The following MAGI3 variants were observed in gnomAD, a reference collection of about 807,000 sequenced individuals.
The protein encoded by MAGI3 is membrane-associated guanylate kinase, WW and PDZ domain-containing protein 3.
Under a neutral mutation model 121.8 loss-of-function variants are expected in MAGI3, and 43 were observed. That is an observed-to-expected ratio of 0.35 (90% confidence interval 0.28 to 0.46). The LOEUF is 0.46. Among genes scored for constraint, MAGI3 ranks in the 20% least tolerant of loss-of-function variants. The pLI is 1.00. For missense variants in MAGI3, 1,547 were observed against 1,797.3 expected, an observed-to-expected ratio of 0.86 and a Z score of 2.52; for synonymous variants, 553 against 639.3, an observed-to-expected ratio of 0.86 and a Z score of 2.04.
At chr1:113,534,210 T>C (rs184848605) in intron 1 of MAGI3, among the ~76,000 whole-genome samples, 133 of 152,342 alleles carry the variant, frequency 8.7e-4, no homozygotes, top group African/African-American at 3.2e-3. Flanking sequence ...GTGCTGCTGT[T>C]AGTGCCCTCC....
intron 9 of MAGI3, among the ~76,000 whole-genome samples, chr1:113,623,522 C>G (rs1651006766): frequency 7.4e-6 from 1 of 135,090 alleles, no homozygotes; most frequent in Non-Finnish European, 1.6e-5. Context: ...GAGTCTTGCT[C>G]TGTCGCCCAG....
At chr1:113,567,890 G>A (rs866067662) in intron 2 of MAGI3, among the ~76,000 whole-genome samples, 1 of 151,868 alleles carries the variant, frequency 6.6e-6, no homozygotes, top group Admixed American at 6.6e-5. Flanking sequence ...GAAATAAAAG[G>A]CATTCAACTT....
At chr1:113,632,380 A>G (rs1651688051) in intron 9 of MAGI3, among the ~76,000 whole-genome samples, 1 of 152,224 alleles carries the variant, frequency 6.6e-6, no homozygotes. Context: ...GCATGGCAAT[A>G]CAATATTTCC....
rs1006067794 is a variant in MAGI3 at position 113,683,856 on chromosome 1, A to C, written c.4288A>C (p.Lys1430Gln). The stretch of plus-strand genomic sequence containing the variant: ...AAACAAAACAGAAGATCACAAAGGG[A>C]AAGAACTAGAGGCAGCTGACAAAAA... ...VSNKTEDHKG[K>Q]ELEAADKNKE... is the part of the protein sequence containing the mutation. Residue 1430 changes from lysine to glutamine, a missense_variant, in exon 21 of 21, where the codon AAA (lysine) becomes CAA (glutamine). Coordinates refer to ENST00000307546, the MANE Select transcript of MAGI3 (RefSeq NM_001142782.2). 1 of 1,612,580 alleles carries C rather than the reference A, an allele frequency of 6.2e-7. No homozygotes were observed. The highest frequency in any genetic ancestry group is 1.3e-5 in the African/African-American group (1 of 74,890).
At chr1:113,507,750 A>C (rs1657414043) in intron 1 of MAGI3, among the ~76,000 whole-genome samples, 1 of 152,210 alleles carries the variant, frequency 6.6e-6, no homozygotes, top group Non-Finnish European at 1.5e-5. Flanking sequence ...TTACTGAATG[A>C]CTGAATGGAG....
intron 1 of MAGI3, among the ~76,000 whole-genome samples, chr1:113,495,925 A>G (rs912833984): frequency 1.4e-5 from 2 of 146,432 alleles, no homozygotes; most frequent in African/African-American, 4.9e-5. Flanking sequence ...ACATCATTAG[A>G]CCTGCTATGA....
chr1:113,634,790 G>A (rs1157471702), intron 9 of MAGI3, among the ~76,000 whole-genome samples: 1 of 152,114 alleles, frequency 6.6e-6, no homozygotes, highest in Non-Finnish European at 1.5e-5. Context: ...GTAGCTTGAT[G>A]GGGATGGCAT....
chr1:113,603,928 A>G (rs1649571673), intron 6 of MAGI3, among the ~76,000 whole-genome samples: 1 of 152,232 alleles, frequency 6.6e-6, no homozygotes, highest in Admixed American at 6.5e-5. Flanking sequence ...TGCGTAAATT[A>G]AAACCACAAT....
chr1:113,683,664 C>G lies in MAGI3; in HGVS notation c.4096C>G (p.Leu1366Val). Residue 1366 changes from leucine (L) to valine (V), a missense_variant, in exon 21 of 21, where the codon CTT becomes GTT. By Grantham distance (32) the Leu-to-Val change is conservative. Coordinates refer to ENST00000307546, the MANE Select transcript of MAGI3 (RefSeq NM_001142782.2). ...AATCAAAAGAATGGTTGAGAAATCT[C>G]TTCCATCCAAAATGACTAATAAGAC... ...KKIKRMVEKSLPSKMTNKTTS... is the reference protein window; with the variant it reads ...KKIKRMVEKSVPSKMTNKTTS... 6.2e-7 allele frequency: 1 copy of G among 1,609,070 alleles called. No individual in the cohort carries two copies. Among genetic ancestry groups the G allele is most frequent in the Non-Finnish European group, 8.5e-7 (1 of 1,177,594 alleles).
chr1:113,641,922 G>A lies in MAGI3; in HGVS notation c.1372G>A (p.Val458Ile), dbSNP rs1652559697. 3 of 1,578,938 alleles carry A rather than the reference G, an allele frequency of 1.9e-6. No individual in the cohort carries two copies. The highest frequency in any genetic ancestry group is 2.6e-6 in the Non-Finnish European group (3 of 1,153,946). ...DGKIAPGDVI[V>I]DINGNCVLGH... is the part of the protein sequence containing the mutation. ...TTATGTTTTTCCAGGCGATGTTATT[G>A]TAGACATCAATGGCAACTGTGTCCT... is the stretch of plus-strand genomic sequence containing the variant. Residue 458 changes from valine to isoleucine, a missense_variant, in exon 10 of 21, where the codon GTA becomes ATA. By Grantham distance (29) the Val-to-Ile change is conservative. Coordinates refer to ENST00000307546, the MANE Select transcript of MAGI3 (RefSeq NM_001142782.2).
chr1:113,432,650 A>C (rs1014063709), intron 1 of MAGI3, among the ~76,000 whole-genome samples: 13 of 151,888 alleles, frequency 8.6e-5, no homozygotes, highest in African/African-American at 3.1e-4. Flanking sequence ...TCTTTTTTTA[A>C]AGGAAGGATT....
intron 8 of MAGI3, among the ~76,000 whole-genome samples, chr1:113,622,553 C>T (rs1474078998): frequency 6.6e-6 from 1 of 152,052 alleles, no homozygotes; most frequent in East Asian, 1.9e-4. Flanking sequence ...TAGTACTTTG[C>T]ACATAAAACT....
chr1:113,560,142 C>A (rs1660162882), intron 2 of MAGI3, among the ~76,000 whole-genome samples: 2 of 152,142 alleles, frequency 1.3e-5, no homozygotes, highest in African/African-American at 4.8e-5. Flanking sequence ...CACTCCTCAG[C>A]AAATGCAAAA....
chr1:113,571,587 C>T (rs1326747261), intron 2 of MAGI3, among the ~76,000 whole-genome samples: 1 of 152,136 alleles, frequency 6.6e-6, no homozygotes, highest in Non-Finnish European at 1.5e-5. Context: ...GTTTGTAGTT[C>T]TCCTTGAAGA....
intron 1 of MAGI3, among the ~76,000 whole-genome samples, chr1:113,478,188 T>G (rs563969145): frequency 6.6e-6 from 1 of 152,264 alleles, no homozygotes; most frequent in African/African-American, 2.4e-5. Flanking sequence ...TCCTTTAGCT[T>G]GGAGAAGTTT....
intron 1 of MAGI3, among the ~76,000 whole-genome samples, chr1:113,436,919 A>G (rs1653595492): frequency 1.3e-5 from 2 of 151,284 alleles, no homozygotes; most frequent in African/African-American, 2.4e-5. Flanking sequence ...GGTTCAGGCA[A>G]TTCTCCTGCC....
chr1:113,619,712 T>C, intron 7 of MAGI3, 24 bp from the exon 8 acceptor site: 3 of 1,450,088 alleles, frequency 2.1e-6, no homozygotes, highest in Non-Finnish European at 2.9e-6. Flanking sequence ...TAAACTGAAA[T>C]GTATATTTTT....
intron 1 of MAGI3, among the ~76,000 whole-genome samples, chr1:113,497,243 C>T (rs1656969537): frequency 6.9e-6 from 1 of 144,250 alleles, no homozygotes. Context: ...CTCCGGTCTA[C>T]AGCTCCCAGC....
At position 113,407,698 on chromosome 1, in the gene MAGI3, C is replaced by T. The variant is rs1033939737; in HGVS notation, c.316+16349C>T. The stretch of plus-strand genomic sequence containing the variant: ...CCTTGGAGAAAAATATGCTCAAGGT[C>T]GTATAGCTAGTTACTGGTGAATCTA... On this transcript the variant is annotated intron_variant, in intron 1 of 20. Transcript: ENST00000307546. 3.3e-5 allele frequency among the ~76,000 whole-genome samples: 5 copies of T among 151,716 alleles called. No individual in the cohort carries two copies. In the East Asian group the frequency reaches 5.8e-4, roughly 18 times the overall value.
Sources: allele counts gnomAD v4.1 joint callset (sites outside exome capture counted in the v4.1 genomes callset), GRCh38; gene constraint gnomAD v4.1.1; transcripts MANE v1.5; gene names NCBI Gene and HGNC (gene_info 2026-07-23, HGNC 2026-07-21).